Variants in PRKG1 observed in about 807,000 individuals in gnomAD.
PRKG1 encodes the protein protein kinase cGMP-dependent 1.
PRKG1 carries 35 observed loss-of-function variants against 88.1 expected under a neutral mutation model. The observed-to-expected ratio is 0.40, with a 90% CI of 0.30 to 0.53. The LOEUF (loss-of-function observed/expected upper bound fraction) is 0.53. Among genes scored for constraint, PRKG1 ranks in the 20% least tolerant of loss-of-function variants. The probability of loss-of-function intolerance (pLI) is 0.59; values close to 1 mark genes in which losing one functional copy is unlikely to be tolerated. For synonymous variants in PRKG1, 303 were observed against 292.5 expected, an observed-to-expected ratio of 1.04 and a Z score of -0.37; for missense variants, 540 against 839.8, an observed-to-expected ratio of 0.64 and a Z score of 4.41.
chr10:51,486,902 A>C (rs1250831035), intron 3 of PRKG1, among the ~76,000 whole-genome samples: 1 of 152,066 alleles, frequency 6.6e-6, no homozygotes, highest in Non-Finnish European at 1.5e-5. Context: ...TTTCTGAAGG[A>C]TATTGTCCTT....
chr10:51,385,281 G>A (rs1333025872), intron 2 of PRKG1, among the ~76,000 whole-genome samples: 1 of 152,138 alleles, frequency 6.6e-6, no homozygotes, highest in Non-Finnish European at 1.5e-5. Flanking sequence ...TTCACACAGT[G>A]TATTTCTTCC....
chr10:51,630,087 T>C (rs1402116367), intron 3 of PRKG1, among the ~76,000 whole-genome samples: 1 of 152,184 alleles, frequency 6.6e-6, no homozygotes, highest in African/African-American at 2.4e-5. Flanking sequence ...TTGCAACGCA[T>C]TCTGTGTCAT....
chr10:51,952,393 T>C (rs907452294), intron 5 of PRKG1, among the ~76,000 whole-genome samples: 1 of 152,206 alleles, frequency 6.6e-6, no homozygotes, highest in African/African-American at 2.4e-5. Context: ...CATTTAGGGT[T>C]GGAGTCTGAG....
intron 2 of PRKG1, among the ~76,000 whole-genome samples, chr10:51,379,594 T>C (rs75551409): frequency 0.033 from 4,969 of 152,282 alleles, 110 homozygotes; most frequent in Admixed American, 0.066. Context: ...AGCTGGACAT[T>C]TTGGTTATTC....
At chr10:51,370,414 T>C (rs1842677686) in intron 2 of PRKG1, among the ~76,000 whole-genome samples, 1 of 151,708 alleles carries the variant, frequency 6.6e-6, no homozygotes, top group Admixed American at 6.6e-5. Context: ...CTAAGGAGGC[T>C]GGAGGTTGAA....
At chr10:51,174,314 T>C (rs1476221912) in intron 2 of PRKG1, among the ~76,000 whole-genome samples, 1 of 151,966 alleles carries the variant, frequency 6.6e-6, no homozygotes, top group Non-Finnish European at 1.5e-5. Flanking sequence ...CTTGTGATCA[T>C]GAATGAAATA....
chr10:51,905,714 A>G (rs1842072168), intron 4 of PRKG1, among the ~76,000 whole-genome samples: 1 of 152,156 alleles, frequency 6.6e-6, no homozygotes, highest in South Asian at 2.1e-4. Context: ...AAATAAGAGA[A>G]CAGGATGAAA....
At chr10:51,226,193 G>T (rs912815658) in intron 2 of PRKG1, among the ~76,000 whole-genome samples, 1 of 152,120 alleles carries the variant, frequency 6.6e-6, no homozygotes, top group African/African-American at 2.4e-5. Context: ...GACAGAGTGA[G>T]ACTCTGTCTG....
chr10:51,814,832 A>T (rs963921756), intron 4 of PRKG1, among the ~76,000 whole-genome samples: 5 of 152,308 alleles, frequency 3.3e-5, no homozygotes, highest in East Asian at 3.9e-4. Context: ...GCTAATTTTT[A>T]AAAAATTATT....
rs1360864743 is a variant in PRKG1, at chr10:51,767,796, T to C, written c.593-36789T>C. 2.6e-5 allele frequency among the ~76,000 whole-genome samples: 4 copies of C among 152,194 alleles called. No individual in the cohort carries two copies. The East Asian group carries it at 7.7e-4, about 29-fold the overall frequency. Reference sequence around the variant, plus strand: ...AAAGATGTTAAGAAACTGATAGCTATAGTTTTATTTTTTTGGTGGCAGCAG... The same window carrying C: ...AAAGATGTTAAGAAACTGATAGCTACAGTTTTATTTTTTTGGTGGCAGCAG... On this transcript the variant is annotated intron_variant, in intron 3 of 17. Coordinates refer to ENST00000373980, the MANE Select transcript of PRKG1 (RefSeq NM_006258.4).
At chr10:51,907,404 C>A in intron 4 of PRKG1, 103 bp from the exon 5 acceptor site, 6 of 824,278 alleles carry the variant, frequency 7.3e-6, no homozygotes, top group Non-Finnish European at 1.1e-5. Flanking sequence ...GATTCCTTGT[C>A]ATGAAATAGT....
At chr10:51,697,119 AC>A (rs1158510378) in intron 3 of PRKG1, 1 of 152,262 alleles carries the variant, frequency 6.6e-6, no homozygotes, top group Non-Finnish European at 1.5e-5. Context: ...TTAGAAAAAA[AC>A]AATTCTAATA....
At chr10:51,627,990 T>C (rs867056023) in intron 3 of PRKG1, among the ~76,000 whole-genome samples, 5 of 36,208 alleles carry the variant, frequency 1.4e-4, no homozygotes, top group African/African-American at 2.4e-4. Flanking sequence ...CTTTCTTTCT[T>C]TCTCTCTCTC....
chr10:51,503,846 G>T (rs1204187255), intron 3 of PRKG1, among the ~76,000 whole-genome samples: 1 of 151,932 alleles, frequency 6.6e-6, no homozygotes, highest in Non-Finnish European at 1.5e-5. Context: ...CAGTGTTGAT[G>T]GTAAAATAGT....
chr10:52,066,788 T>G (rs1270112810), intron 7 of PRKG1, among the ~76,000 whole-genome samples: 2 of 152,196 alleles, frequency 1.3e-5, no homozygotes, highest in Non-Finnish European at 2.9e-5. Context: ...ATCTGATTTT[T>G]TAAAAAAGCT....
intron 7 of PRKG1, among the ~76,000 whole-genome samples, chr10:52,078,576 G>A (rs1904026): frequency 0.17 from 26,087 of 152,088 alleles, 2,824 homozygotes; most frequent in South Asian, 0.28. Context: ...AAAAGATTAA[G>A]CCAGCTGTCA....
chr10:51,304,108 C>G (rs1471389403), intron 2 of PRKG1, among the ~76,000 whole-genome samples: 1 of 152,086 alleles, frequency 6.6e-6, no homozygotes. Flanking sequence ...ACATGAGCCA[C>G]CGTGCCCGGA....
chr10:51,613,365 G>A (rs1335352606), intron 3 of PRKG1, among the ~76,000 whole-genome samples: 3 of 151,754 alleles, frequency 2.0e-5, no homozygotes, highest in Non-Finnish European at 4.4e-5. Flanking sequence ...CAGTTGCAAT[G>A]TCTGCTTTTT....
intron 2 of PRKG1, among the ~76,000 whole-genome samples, chr10:51,209,968 T>C (rs1838168193): frequency 6.6e-6 from 1 of 152,170 alleles, no homozygotes; most frequent in Non-Finnish European, 1.5e-5. Flanking sequence ...TCATACTTTC[T>C]TTCTGGCATA....
Sources: gnomAD v4.1 joint callset for allele counts (sites outside exome capture counted in the v4.1 genomes callset) on GRCh38, gnomAD v4.1.1 for gene constraint, MANE v1.5 for transcripts, NCBI Gene and HGNC (gene_info 2026-07-23, HGNC 2026-07-21) for gene names.